Variants in FGGY observed in about 807,000 individuals in gnomAD.
FGGY encodes the protein FGGY carbohydrate kinase domain-containing protein.
In FGGY, 72 loss-of-function variants were observed where a neutral mutation model predicts 71.3. The observed-to-expected ratio is 1.01, with a 90% CI of 0.84 to 1.23. The LOEUF (loss-of-function observed/expected upper bound fraction) is 1.23. FGGY is among the 50% of genes most tolerant of loss of function. FGGY has a pLI of 0.00. For synonymous variants in FGGY, 251 were observed against 250.3 expected (o/e 1.00, Z -0.02); for missense variants, 668 against 682.3 (o/e 0.98, Z 0.23).
intron 10 of FGGY, among the ~76,000 whole-genome samples, chr1:59,637,152 A>T (rs2096968099): frequency 6.6e-6 from 1 of 152,096 alleles, no homozygotes; most frequent in Non-Finnish European, 1.5e-5. Context: ...TGAGTGGGAA[A>T]ATTGGAGGTC....
chr1:59,372,546 C>G (rs975318788), intron 4 of FGGY, among the ~76,000 whole-genome samples: 2 of 152,170 alleles, frequency 1.3e-5, no homozygotes, highest in Non-Finnish European at 2.9e-5. Context: ...GGAATCCTCC[C>G]TAACTCATTT....
intron 6 of FGGY, among the ~76,000 whole-genome samples, chr1:59,486,176 C>T (rs560215631): frequency 6.6e-6 from 1 of 152,264 alleles, no homozygotes; most frequent in Non-Finnish European, 1.5e-5. Context: ...AATGACAGCG[C>T]ACCCAGAGGG....
At chr1:59,758,230 T>G (rs536364053) in intron 15 of FGGY, among the ~76,000 whole-genome samples, 1 of 152,318 alleles carries the variant, frequency 6.6e-6, no homozygotes, top group South Asian at 2.1e-4. Context: ...AATGTTCTTT[T>G]TCCCAGGTAA....
chr1:59,507,046 G>A (rs567242760), intron 6 of FGGY, among the ~76,000 whole-genome samples: 1 of 152,324 alleles, frequency 6.6e-6, no homozygotes, highest in East Asian at 1.9e-4. Context: ...AATGATTCAT[G>A]AATTGGGCAG....
At chr1:59,691,291 T>A (rs2097584374) in intron 14 of FGGY, among the ~76,000 whole-genome samples, 1 of 152,186 alleles carries the variant, frequency 6.6e-6, no homozygotes, top group South Asian at 2.1e-4. Flanking sequence ...TAGCCTACCT[T>A]GAGAAAAGCA....
intron 7 of FGGY, among the ~76,000 whole-genome samples, chr1:59,520,813 A>G (rs965739152): frequency 5.3e-5 from 8 of 152,142 alleles, no homozygotes; most frequent in Non-Finnish European, 8.8e-5. Context: ...GTCACCTGGT[A>G]CCCAGAGGAG....
intron 5 of FGGY, among the ~76,000 whole-genome samples, chr1:59,424,663 C>G (rs941073137): frequency 2.6e-5 from 4 of 152,144 alleles, no homozygotes; most frequent in Admixed American, 6.5e-5. Flanking sequence ...TTTTTGATCT[C>G]CACCTTGCAC....
At chr1:59,737,741 C>T (rs532975369) in intron 14 of FGGY, among the ~76,000 whole-genome samples, 8 of 152,256 alleles carry the variant, frequency 5.3e-5, no homozygotes, top group South Asian at 2.1e-4. Context: ...TCAGAGGTGA[C>T]GCTGGACTGT....
intron 14 of FGGY, among the ~76,000 whole-genome samples, chr1:59,740,117 C>T (rs1438400221): frequency 1.3e-5 from 2 of 152,192 alleles, no homozygotes; most frequent in African/African-American, 2.4e-5. Context: ...TGTAATGGCT[C>T]CTTACTGTTG....
chr1:59,465,399 C>T (rs1300982247), intron 6 of FGGY, among the ~76,000 whole-genome samples: 3 of 152,204 alleles, frequency 2.0e-5, no homozygotes, highest in East Asian at 1.9e-4. Flanking sequence ...CAGCCAATAT[C>T]ATACTGAATG....
At chr1:59,550,862 G>A (rs2095598093) in intron 7 of FGGY, among the ~76,000 whole-genome samples, 1 of 152,184 alleles carries the variant, frequency 6.6e-6, no homozygotes, top group Admixed American at 6.5e-5. Context: ...TCCTGGCACT[G>A]CTTCTTAAAT....
chr1:59,508,856 C>A (rs1015838916), intron 6 of FGGY, among the ~76,000 whole-genome samples: 4 of 152,210 alleles, frequency 2.6e-5, no homozygotes, highest in African/African-American at 9.6e-5. Flanking sequence ...AAGGCTGAGA[C>A]AGATTTGGGG....
chr1:59,615,014 G>C (rs1213098971), intron 9 of FGGY, among the ~76,000 whole-genome samples: 1 of 152,138 alleles, frequency 6.6e-6, no homozygotes, highest in East Asian at 1.9e-4. Flanking sequence ...ACAAACAAAT[G>C]GAAGAACATT....
intron 11 of FGGY, among the ~76,000 whole-genome samples, chr1:59,647,456 C>T (rs928781638): frequency 6.6e-6 from 1 of 152,134 alleles, no homozygotes; most frequent in African/African-American, 2.4e-5. Context: ...TTACACAAAT[C>T]TAGTGGCTTA....
intron 6 of FGGY, 54 bp downstream of exon 6, chr1:59,457,130 G>T: frequency 7.9e-7 from 1 of 1,272,690 alleles, no homozygotes; most frequent in African/African-American, 1.5e-5. Flanking sequence ...GATCTTGATG[G>T]GTTTGTTGTT....
intron 14 of FGGY, among the ~76,000 whole-genome samples, chr1:59,757,368 C>T (rs2098300950): frequency 6.6e-6 from 1 of 152,200 alleles, no homozygotes; most frequent in Non-Finnish European, 1.5e-5. Context: ...GTCCTGAAGT[C>T]ACATTCCAGA....
chr1:59,303,417 A>G (rs2043049706), intron 1 of FGGY, among the ~76,000 whole-genome samples: 1 of 152,116 alleles, frequency 6.6e-6, no homozygotes, highest in South Asian at 2.1e-4. Context: ...GTTCATCCGT[A>G]TTGTGGCAAA....
chr1:59,471,553 G>A (rs945437186), intron 6 of FGGY, among the ~76,000 whole-genome samples: 2 of 152,140 alleles, frequency 1.3e-5, no homozygotes, highest in African/African-American at 4.8e-5. Context: ...TTGAAGGCAA[G>A]TACCTATCCT....
At chr1:59,615,883 GAC>G (rs1334521443) in intron 9 of FGGY, among the ~76,000 whole-genome samples, 3 of 151,960 alleles carry the variant, frequency 2.0e-5, no homozygotes, top group Non-Finnish European at 4.4e-5. Context: ...GTAGCCAAAA[GAC>G]ACATGAAAAA....
Sources: gnomAD v4.1 joint callset for allele counts (sites outside exome capture counted in the v4.1 genomes callset) on GRCh38, gnomAD v4.1.1 for gene constraint, MANE v1.5 for transcripts, NCBI Gene and HGNC (gene_info 2026-07-23, HGNC 2026-07-21) for gene names.